HIPK2: variants seen among roughly 807,000 people sequenced by gnomAD.
HIPK2 encodes the protein homeodomain interacting protein kinase 2.
A neutral mutation model predicts 113.7 loss-of-function variants in HIPK2; 27 were observed. That is an observed-to-expected ratio of 0.24 (90% CI 0.17 to 0.33). HIPK2 has a LOEUF of 0.33. Ranked by LOEUF, HIPK2 falls within the 10% of genes least tolerant of loss-of-function variation. The pLI is 1.00. For synonymous variants in HIPK2, 631 were observed against 642.2 expected, an observed-to-expected ratio of 0.98 and a Z score of 0.26; for missense variants, 1,257 against 1,588.0, an observed-to-expected ratio of 0.79 and a Z score of 3.54.
chr7:139,594,101 A>T (rs1799117738), intron 12 of HIPK2, among the ~76,000 whole-genome samples: 1 of 152,022 alleles, frequency 6.6e-6, no homozygotes, highest in Non-Finnish European at 1.5e-5. Flanking sequence ...TGCCCCATCA[A>T]TCACCTCACT....
chr7:139,636,057 T>G (rs190103280), intron 2 of HIPK2, among the ~76,000 whole-genome samples: 57 of 152,316 alleles, frequency 3.7e-4, no homozygotes, highest in Middle Eastern at 3.4e-3. Context: ...TTGGACACTC[T>G]GCGTCACTGA....
rs768270210 is a variant in HIPK2 at position 139,575,280 on chromosome 7, T to C, written c.2974A>G (p.Ser992Gly). 5.7e-6 allele frequency: 9 copies of C among 1,569,848 alleles called. No homozygotes were observed. Among genetic ancestry groups the C allele is most frequent in the Non-Finnish European group, 7.8e-6 (9 of 1,157,354 alleles). ...GACTTGTAGGAGGACGAGTGGTGAC[T>C]GGTGTTGACTGTGGCGGGAGGAGAA... ...ECDSLVPVNT[S>G]HHSSSYKSKS... Residue 992 changes from serine to glycine, a missense_variant, in exon 14 of 15, where the codon AGT (serine) becomes GGT (glycine). Around this residue, in one of 5 missense-constraint regions of HIPK2, gnomAD observed 862 missense variants for 1,004.3 expected, o/e 0.86. Coordinates refer to ENST00000406875, the MANE Select transcript of HIPK2 (RefSeq NM_022740.5).
chr7:139,774,080 G>A (rs1796698651), intron 1 of HIPK2, among the ~76,000 whole-genome samples: 1 of 152,192 alleles, frequency 6.6e-6, no homozygotes, highest in Non-Finnish European at 1.5e-5. Flanking sequence ...GGCTATAGGG[G>A]GTTTATTGTT....
intron 1 of HIPK2, among the ~76,000 whole-genome samples, chr7:139,755,909 A>G (rs1348780418): frequency 1.3e-5 from 2 of 152,246 alleles, no homozygotes; most frequent in African/African-American, 2.4e-5. Context: ...TGTATCATAC[A>G]GCTTAATTCT....
intron 1 of HIPK2, among the ~76,000 whole-genome samples, chr7:139,741,427 C>T (rs1003855993): frequency 6.6e-6 from 1 of 152,132 alleles, no homozygotes; most frequent in Non-Finnish European, 1.5e-5. Flanking sequence ...TTTGCCCCCT[C>T]GGGACAAACT....
At chr7:139,652,282 C>T (rs1322940021) in intron 2 of HIPK2, among the ~76,000 whole-genome samples, 1 of 152,176 alleles carries the variant, frequency 6.6e-6, no homozygotes, top group Admixed American at 6.5e-5. Context: ...CTTGTGTTTG[C>T]ATAAGACGCT....
intron 2 of HIPK2, among the ~76,000 whole-genome samples, chr7:139,708,078 C>T (rs1794958786): frequency 6.6e-6 from 1 of 152,096 alleles, no homozygotes; most frequent in Non-Finnish European, 1.5e-5. Context: ...ACTTGGGAGA[C>T]AGACGGACAG....
chr7:139,686,192 C>A (rs1273813829), intron 2 of HIPK2, among the ~76,000 whole-genome samples: 1 of 152,092 alleles, frequency 6.6e-6, no homozygotes, highest in Non-Finnish European at 1.5e-5. Flanking sequence ...GTGTAAGTCA[C>A]TGTAAATGAG....
chr7:139,666,812 T>C lies in HIPK2; in HGVS notation c.1104-35087A>G, dbSNP rs545365292. Among the ~76,000 whole-genome samples the C allele has an allele frequency of 1.6e-4, 24 of 152,254 alleles. 1 individual carries two copies. Among genetic ancestry groups the C allele is most frequent in the Admixed American group, 1.1e-3 (17 of 15,296 alleles). On this transcript the variant is annotated intron_variant, in intron 2 of 14. Coordinates refer to ENST00000406875, the MANE Select transcript of HIPK2 (RefSeq NM_022740.5). ...GTACAGTGGCTCACACCTATAATCCTAGCAGTTTGGGAGGCCGAGGCAGGT... is the reference window on the plus strand; with the variant it reads ...GTACAGTGGCTCACACCTATAATCCCAGCAGTTTGGGAGGCCGAGGCAGGT...
Position 139,563,056 on chromosome 7 carries a change from AAAGG to A in HIPK2, c.*9867_*9870del, listed in dbSNP as rs1201270568. 1 of 151,676 alleles carries A rather than the reference AAAGG, an allele frequency of 6.6e-6. No homozygotes were observed. Among genetic ancestry groups the A allele is most frequent in the Non-Finnish European group, 1.5e-5 (1 of 67,926 alleles). The allele number at this position is 151,676 out of a possible 1,614,324, so 9.4% of individuals were successfully genotyped here. On this transcript the variant is annotated 3_prime_UTR_variant, in exon 15 of 15. Coordinates refer to ENST00000406875, the MANE Select transcript of HIPK2 (RefSeq NM_022740.5). ...GAAGCTTGAAGTGAGCAGGAACACAAAAGGGAGGAGAGCAGAAACGGGGGACCGA... is the reference window on the plus strand; with the variant it reads ...GAAGCTTGAAGTGAGCAGGAACACAAGAGGAGAGCAGAAACGGGGGACCGA...
chr7:139,591,548 G>C (rs1585246657), intron 12 of HIPK2, among the ~76,000 whole-genome samples: 1 of 152,178 alleles, frequency 6.6e-6, no homozygotes, highest in East Asian at 1.9e-4. Flanking sequence ...ATCAGTGACA[G>C]CTTTGTAATG....
intron 2 of HIPK2, among the ~76,000 whole-genome samples, chr7:139,704,503 AAC>A (rs1295693036): frequency 2.7e-5 from 4 of 149,592 alleles, no homozygotes; most frequent in Admixed American, 6.6e-5. Flanking sequence ...CACTACACCC[AAC>A]ACACACACAC....
chr7:139,592,160 A>G (rs1302195487), intron 12 of HIPK2, among the ~76,000 whole-genome samples: 2 of 152,244 alleles, frequency 1.3e-5, no homozygotes, highest in Non-Finnish European at 2.9e-5. Context: ...ACATGTTAAG[A>G]GTGAGCTAAG....
chr7:139,685,742 C>T (rs1306829658), intron 2 of HIPK2, among the ~76,000 whole-genome samples: 1 of 152,184 alleles, frequency 6.6e-6, no homozygotes, highest in Admixed American at 6.5e-5. Flanking sequence ...CTGTTTAAAG[C>T]CTGGTTTACT....
chr7:139,774,901 C>G (rs368004506), intron 1 of HIPK2, among the ~76,000 whole-genome samples: 64 of 152,302 alleles, frequency 4.2e-4, no homozygotes, highest in African/African-American at 1.5e-3. Context: ...TATTTATAAA[C>G]CTATCCTTCA....
chr7:139,564,146 C>A lies in HIPK2; in HGVS notation c.*8781G>T, dbSNP rs1798025805. 2.5e-6 allele frequency: 1 copy of A among 395,972 alleles called. No individual in the cohort carries two copies. The highest frequency in any genetic ancestry group is 4.4e-6 in the Non-Finnish European group (1 of 225,020). The allele number at this position is 395,972 out of a possible 1,614,324, so 24.5% of individuals were successfully genotyped here. A position where few individuals can be genotyped will look rare whatever the true frequency, so the allele number is the denominator to read the frequency against. On this transcript the variant is annotated 3_prime_UTR_variant, in exon 15 of 15. Coordinates refer to ENST00000406875, the MANE Select transcript of HIPK2 (RefSeq NM_022740.5). ...CACCGAACTAGACTTTGAGTCTAAG[C>A]TGGACAATGAGTAAAACGTAAACAT...
Position 139,565,663 on chromosome 7 carries a change from C to A in HIPK2, c.*7264G>T, listed in dbSNP as rs747360408. ...GAAGAGTATCTCAAAAGAAAACATT[C>A]TTTTGTTCCTCTAAGTCTTGTCTTT... On this transcript the variant is annotated 3_prime_UTR_variant, in exon 15 of 15. Coordinates refer to ENST00000406875, the MANE Select transcript of HIPK2 (RefSeq NM_022740.5). 6.7e-6 allele frequency: 1 copy of A among 149,952 alleles called. No individual in the cohort carries two copies. Among genetic ancestry groups the A allele is most frequent in the South Asian group, 2.1e-4 (1 of 4,756 alleles). 9.3% of individuals were successfully genotyped at this position (149,952 alleles called of 1,614,324 possible).
At position 139,777,577 on chromosome 7, in the gene HIPK2, G is replaced by T. The variant is rs1041588725; in HGVS notation, c.19+28C>A. Reference sequence around the variant, plus strand: ...GGGGGCCGCGGAGGGCGGCGGGCGCGGGGTCGGCGGGGCCGGGCGCCCCTT... The same window carrying T: ...GGGGGCCGCGGAGGGCGGCGGGCGCTGGGTCGGCGGGGCCGGGCGCCCCTT... On this transcript the variant is annotated intron_variant, in intron 1 of 14. Coordinates refer to ENST00000406875, the MANE Select transcript of HIPK2 (RefSeq NM_022740.5). The T allele has an allele frequency of 3.7e-5, 38 of 1,016,332 alleles. No homozygotes were observed. In the African/African-American group the frequency reaches 6.4e-4, roughly 17 times the overall value. 63.0% of individuals were successfully genotyped at this position (1,016,332 alleles called of 1,614,324 possible).
At chr7:139,600,353 T>C in intron 11 of HIPK2, 64 bp downstream of exon 11, 1 of 1,555,102 alleles carries the variant, frequency 6.4e-7, no homozygotes, top group Non-Finnish European at 8.7e-7. Flanking sequence ...CTCCCTAAAC[T>C]ACATTTCTTT....
Sources: allele counts gnomAD v4.1 joint callset (sites outside exome capture counted in the v4.1 genomes callset), GRCh38; gene constraint gnomAD v4.1.1; regional missense constraint gnomAD v4.1.1; transcripts MANE v1.5; gene names NCBI Gene and HGNC (gene_info 2026-07-23, HGNC 2026-07-21).